Variants in CCDC171 observed in about 807,000 individuals in gnomAD.
The protein encoded by CCDC171 is coiled-coil domain-containing protein 171.
In CCDC171, 177 loss-of-function variants were observed where a neutral mutation model predicts 168.2. That is an observed-to-expected ratio of 1.05 (90% CI 0.93 to 1.19). CCDC171 has a LOEUF of 1.19. CCDC171 is among the 50% of genes most tolerant of loss of function. The pLI, the probability that CCDC171 is intolerant of heterozygous loss-of-function variation, is 0.00. For missense variants in CCDC171, 1,991 were observed against 1,539.0 expected, an observed-to-expected ratio of 1.29 and a Z score of -4.91; for synonymous variants, 687 against 540.8, an observed-to-expected ratio of 1.27 and a Z score of -3.75.
At chr9:15,793,698 C>T (rs1409953745) in intron 21 of CCDC171, among the ~76,000 whole-genome samples, 4 of 151,496 alleles carry the variant, frequency 2.6e-5, no homozygotes, top group Non-Finnish European at 4.4e-5. Context: ...TACAGGCACA[C>T]ACCACAACAC....
intron 11 of CCDC171, among the ~76,000 whole-genome samples, chr9:15,714,108 A>G (rs1232851906): frequency 6.6e-6 from 1 of 152,164 alleles, no homozygotes; most frequent in African/African-American, 2.4e-5. Flanking sequence ...TGTAAGATCC[A>G]TCTGTATTCT....
At chr9:15,929,886 C>G (rs1385009571) in intron 25 of CCDC171, among the ~76,000 whole-genome samples, 1 of 151,612 alleles carries the variant, frequency 6.6e-6, no homozygotes, top group Non-Finnish European at 1.5e-5. Flanking sequence ...AGTTTTTTAC[C>G]ATTGACATTC....
At chr9:15,847,209 C>A (rs143045597) in intron 22 of CCDC171, among the ~76,000 whole-genome samples, 1 of 151,800 alleles carries the variant, frequency 6.6e-6, no homozygotes, top group African/African-American at 2.4e-5. Context: ...CCACTGTCTC[C>A]GAAATTTTGT....
intron 16 of CCDC171, among the ~76,000 whole-genome samples, chr9:15,736,188 A>T (rs1564311615): frequency 6.6e-6 from 1 of 152,192 alleles, no homozygotes; most frequent in East Asian, 1.9e-4. Context: ...TTACAAAGTG[A>T]ATGTTATGGA....
rs749306503 is a variant in CCDC171, at chr9:15,623,298, A to G, written c.707A>G (p.Lys236Arg). 6.3e-7 allele frequency: 1 copy of G among 1,599,334 alleles called. No individual in the cohort carries two copies. ...EQDTAVQNMH[K>R]KVEKLETEHM... ...GATACTGCTGTGCAAAATATGCATA[A>G]GAAAGTAGAAAAATTAGAAACAGAA... is the stretch of plus-strand genomic sequence containing the variant. The change falls in exon 7 of 26, where the codon AAG (lysine) becomes AGG (arginine). Residue 236 changes from lysine (K) to arginine (R), a missense_variant. Lys to Arg is a conservative substitution (Grantham distance 26). Transcript: ENST00000380701.
intron 1 of CCDC171, among the ~76,000 whole-genome samples, chr9:16,044,329 T>C (rs762745584): frequency 6.6e-6 from 1 of 152,204 alleles, no homozygotes; most frequent in Non-Finnish European, 1.5e-5. Flanking sequence ...GTTTACAGCC[T>C]GTCAGAGGAG....
At chr9:15,986,685 C>T (rs1049586111) in intron 3 of CCDC171, among the ~76,000 whole-genome samples, 1 of 152,174 alleles carries the variant, frequency 6.6e-6, no homozygotes, top group Non-Finnish European at 1.5e-5. Context: ...ACATGGCACT[C>T]TGTAAAAGTA....
the CCDC171 span, among the ~76,000 whole-genome samples, chr9:16,069,457 C>T: frequency 1.3e-5 from 2 of 151,992 alleles, no homozygotes; most frequent in East Asian, 1.9e-4. Flanking sequence ...ACCATATGCA[C>T]GAAGAAGGCG....
intron 6 of CCDC171, among the ~76,000 whole-genome samples, chr9:15,622,084 A>G (rs2044554559): frequency 6.6e-6 from 1 of 152,182 alleles, no homozygotes; most frequent in South Asian, 2.1e-4. Flanking sequence ...AAACAATGAG[A>G]ACACATGGAC....
chr9:15,580,324 G>A (rs2041011016), intron 4 of CCDC171, among the ~76,000 whole-genome samples: 1 of 152,076 alleles, frequency 6.6e-6, no homozygotes, highest in Admixed American at 6.6e-5. Flanking sequence ...TCATGACCAA[G>A]ATCCCAAAAG....
intron 1 of CCDC171, among the ~76,000 whole-genome samples, chr9:15,561,784 TG>T (rs1330594313): frequency 6.6e-6 from 1 of 152,024 alleles, no homozygotes; most frequent in African/African-American, 2.4e-5. Context: ...CCTTGTTCTC[TG>T]TGTCATCAGG....
At chr9:15,835,613 G>C (rs2060409939) in intron 21 of CCDC171, among the ~76,000 whole-genome samples, 1 of 152,086 alleles carries the variant, frequency 6.6e-6, no homozygotes, top group African/African-American at 2.4e-5. Flanking sequence ...TTTTAGTAGA[G>C]ACAGGGTTTC....
chr9:15,906,587 G>C (rs1166589193), intron 24 of CCDC171, among the ~76,000 whole-genome samples: 2 of 152,122 alleles, frequency 1.3e-5, no homozygotes, highest in Non-Finnish European at 2.9e-5. Flanking sequence ...GCAAAAACTG[G>C]AAGCATTCCC....
At chr9:15,648,859 G>T (rs1048610454) in intron 7 of CCDC171, among the ~76,000 whole-genome samples, 1 of 152,104 alleles carries the variant, frequency 6.6e-6, no homozygotes, top group Admixed American at 6.6e-5. Flanking sequence ...TCCCCATCAA[G>T]CTACCAATGA....
intron 25 of CCDC171, among the ~76,000 whole-genome samples, chr9:15,952,150 T>G (rs1829262195): frequency 6.6e-6 from 1 of 152,152 alleles, no homozygotes; most frequent in Non-Finnish European, 1.5e-5. Flanking sequence ...TTTTTCCCCA[T>G]TAAATGGTGT....
intron 23 of CCDC171, among the ~76,000 whole-genome samples, chr9:15,857,022 A>C (rs115672890): frequency 0.022 from 3,376 of 152,040 alleles, 143 homozygotes; most frequent in African/African-American, 0.078. Context: ...GGATAAATGT[A>C]TATTCAAGTT....
At chr9:15,993,794 C>A (rs527727779) in intron 3 of CCDC171, among the ~76,000 whole-genome samples, 209 of 152,336 alleles carry the variant, frequency 1.4e-3, no homozygotes, top group African/African-American at 5.0e-3. Context: ...TGAACAGACA[C>A]TTCTCAAAAG....
chr9:16,017,640 T>C (rs187026800), intron 3 of CCDC171, among the ~76,000 whole-genome samples: 2 of 152,340 alleles, frequency 1.3e-5, no homozygotes, highest in East Asian at 3.9e-4. Context: ...GAATACTTGT[T>C]TTACTGCAAC....
intron 25 of CCDC171, among the ~76,000 whole-genome samples, chr9:15,969,714 C>T (rs1380736324): frequency 6.6e-6 from 1 of 152,150 alleles, no homozygotes; most frequent in Non-Finnish European, 1.5e-5. Flanking sequence ...AATCAGGCCC[C>T]ACCATTTCCT....
Sources: allele counts gnomAD v4.1 joint callset (sites outside exome capture counted in the v4.1 genomes callset), GRCh38; gene constraint gnomAD v4.1.1; transcripts MANE v1.5; gene names NCBI Gene and HGNC (gene_info 2026-07-23, HGNC 2026-07-21).